The following KCNH8 variants were observed in gnomAD, a reference collection of about 807,000 sequenced individuals.
KCNH8 encodes voltage-gated delayed rectifier potassium channel KCNH8.
A neutral mutation model predicts 103.6 loss-of-function variants in KCNH8; 70 were observed. That is an observed-to-expected ratio of 0.68 (90% CI 0.56 to 0.82). The LOEUF is 0.82. KCNH8 is among the 40% of genes least tolerant of loss of function. KCNH8 has a pLI of 0.00. For missense variants in KCNH8, 1,217 were observed against 1,329.9 expected (o/e 0.92, Z 1.32); for synonymous variants, 498 against 489.4 (o/e 1.02, Z -0.23).
intron 1 of KCNH8, among the ~76,000 whole-genome samples, chr3:19,152,966 A>C (rs575826172): frequency 6.6e-6 from 1 of 152,150 alleles, no homozygotes; most frequent in South Asian, 2.1e-4. Flanking sequence ...AAAGAAAAGA[A>C]ATTTGTTAAA....
chr3:19,201,231 CAAAAAAAAAAAAAA>C lies in KCNH8; in HGVS notation c.77-52405_77-52392del, dbSNP rs1170312203. Among the ~76,000 whole-genome samples, 15 of 22,064 alleles carry C rather than the reference CAAAAAAAAAAAAAA, an allele frequency of 6.8e-4. No homozygotes were observed. The South Asian group carries it at 0.011, about 17-fold the overall frequency. The allele number at this position is 22,064 out of a possible 152,430, so 14.5% of individuals were successfully genotyped here. ...TGGGTGAAGTAGCAAGACTCTGCCT[CAAAAAAAAAAAAAA>C]AAAAAAAAAAAAAAAAAGAAAAGAA... On this transcript the variant is annotated intron_variant, in intron 1 of 15. Transcript: ENST00000328405.
At position 19,219,951 on chromosome 3, in the gene KCNH8, C is replaced by T. The variant is rs140414463; in HGVS notation, c.77-33703C>T. Among the ~76,000 whole-genome samples the T allele has an allele frequency of 2.8e-3, 434 of 152,306 alleles. 3 individuals are homozygous for T. Among genetic ancestry groups the T allele is most frequent in the African/African-American group, 0.01 (421 of 41,568 alleles). ...CCACAAAGTACTCTGAGAGACATTT[C>T]TCTGGCTTCACTGGAGAGGACACGG... On this transcript the variant is annotated intron_variant, in intron 1 of 15. Transcript: ENST00000328405.
chr3:19,493,980 T>C (rs575284494), intron 11 of KCNH8, among the ~76,000 whole-genome samples: 3 of 152,288 alleles, frequency 2.0e-5, no homozygotes, highest in South Asian at 2.1e-4. Context: ...CCAATAGATA[T>C]TTTTTCTGAT....
chr3:19,236,643 A>G (rs1197126808), intron 1 of KCNH8, among the ~76,000 whole-genome samples: 1 of 152,214 alleles, frequency 6.6e-6, no homozygotes, highest in East Asian at 1.9e-4. Flanking sequence ...AAGATGTGGT[A>G]TAAGTTTAAG....
intron 4 of KCNH8, chr3:19,346,851 G>A (rs1235523180): frequency 5.7e-6 from 2 of 350,332 alleles, no homozygotes; most frequent in East Asian, 7.8e-5. Flanking sequence ...AGGTCTGCAA[G>A]TAGCTGGTCA....
intron 3 of KCNH8, among the ~76,000 whole-genome samples, chr3:19,312,139 A>G (rs1330416591): frequency 6.6e-6 from 1 of 151,972 alleles, no homozygotes; most frequent in Non-Finnish European, 1.5e-5. Flanking sequence ...TGCAGCTTAC[A>G]TACAGACTTT....
chr3:19,227,656 G>C (rs1370638972), intron 1 of KCNH8, among the ~76,000 whole-genome samples: 2 of 152,174 alleles, frequency 1.3e-5, no homozygotes, highest in African/African-American at 4.8e-5. Context: ...TAAAACAAAA[G>C]TAACCAGAAT....
intron 3 of KCNH8, among the ~76,000 whole-genome samples, chr3:19,310,811 A>G (rs9875776): frequency 0.11 from 16,530 of 151,880 alleles, 1,031 homozygotes; most frequent in East Asian, 0.18. Context: ...ATAACTATTC[A>G]TAATAAAAGA....
chr3:19,393,722 G>A (rs1406585373), intron 6 of KCNH8, among the ~76,000 whole-genome samples: 1 of 151,998 alleles, frequency 6.6e-6, no homozygotes, highest in African/African-American at 2.4e-5. Flanking sequence ...TAAAGGAGAA[G>A]AAAGTAAAAC....
intron 2 of KCNH8, among the ~76,000 whole-genome samples, chr3:19,258,235 A>C (rs1180887360): frequency 1.3e-5 from 2 of 152,044 alleles, no homozygotes; most frequent in East Asian, 3.9e-4. Context: ...TTAGGAGTTA[A>C]GTTATTTGCC....
chr3:19,356,044 A>G (rs1429176694), intron 5 of KCNH8, among the ~76,000 whole-genome samples: 3 of 152,012 alleles, frequency 2.0e-5, no homozygotes, highest in Admixed American at 6.6e-5. Flanking sequence ...GGGTCTAGGA[A>G]GGATAGGTGT....
At chr3:19,155,988 G>T (rs1257374129) in intron 1 of KCNH8, among the ~76,000 whole-genome samples, 1 of 152,058 alleles carries the variant, frequency 6.6e-6, no homozygotes, top group Non-Finnish European at 1.5e-5. Flanking sequence ...TTCTTTGAAG[G>T]CCAGGGCTGA....
At chr3:19,443,805 AAAT>A (rs1338672135) in intron 8 of KCNH8, among the ~76,000 whole-genome samples, 10 of 152,210 alleles carry the variant, frequency 6.6e-5, no homozygotes, top group African/African-American at 1.9e-4. Context: ...AAATGATTAC[AAAT>A]AATTAAATAT....
At chr3:19,474,030 A>T (rs953660073) in intron 11 of KCNH8, among the ~76,000 whole-genome samples, 2 of 152,140 alleles carry the variant, frequency 1.3e-5, no homozygotes, top group African/African-American at 4.8e-5. Flanking sequence ...GTGCCAGGAT[A>T]ATAACATTTC....
At chr3:19,184,872 A>G (rs1164072407) in intron 1 of KCNH8, among the ~76,000 whole-genome samples, 2 of 152,004 alleles carry the variant, frequency 1.3e-5, no homozygotes, top group African/African-American at 2.4e-5. Flanking sequence ...ACAGAATCAT[A>G]CAATATGTAG....
intron 7 of KCNH8, among the ~76,000 whole-genome samples, chr3:19,426,343 C>T (rs942158221): frequency 1.3e-5 from 2 of 151,916 alleles, no homozygotes; most frequent in Non-Finnish European, 2.9e-5. Context: ...ATTGGAGTTT[C>T]TTGAAAATAC....
chr3:19,506,237 T>C (rs188022715), intron 11 of KCNH8, among the ~76,000 whole-genome samples: 1 of 152,288 alleles, frequency 6.6e-6, no homozygotes, highest in Non-Finnish European at 1.5e-5. Flanking sequence ...ACTCTGGCTT[T>C]TTGAGCTCCC....
intron 11 of KCNH8, among the ~76,000 whole-genome samples, chr3:19,491,485 T>C (rs549633025): frequency 1.3e-5 from 2 of 152,226 alleles, no homozygotes; most frequent in South Asian, 2.1e-4. Flanking sequence ...GATTCATCCA[T>C]GTTGCTGTGA....
intron 11 of KCNH8, among the ~76,000 whole-genome samples, chr3:19,466,138 C>G (rs942051728): frequency 1.3e-5 from 2 of 151,962 alleles, no homozygotes; most frequent in Non-Finnish European, 2.9e-5. Context: ...ATTGCTTAGG[C>G]TGGTCTCAAA....
Sources: allele counts gnomAD v4.1 joint callset (sites outside exome capture counted in the v4.1 genomes callset), GRCh38; gene constraint gnomAD v4.1.1; transcripts MANE v1.5; gene names NCBI Gene and HGNC (gene_info 2026-07-23, HGNC 2026-07-21).